Variants in PANK3 observed in about 807,000 individuals in gnomAD.
PANK3 encodes the protein pantothenate kinase 3, also known as hPanK3.
Under a neutral mutation model 39.4 loss-of-function variants are expected in PANK3, and 20 were observed. The observed-to-expected ratio is 0.51, with a 90% CI of 0.36 to 0.74. The LOEUF is 0.74. Ranked by LOEUF, PANK3 falls within the 30% of genes least tolerant of loss-of-function variation. The probability of loss-of-function intolerance (pLI) is 0.00; values close to 1 mark genes in which losing one functional copy is unlikely to be tolerated. For synonymous variants in PANK3, 140 were observed against 157.3 expected (o/e 0.89, Z 0.82); for missense variants, 265 against 437.0 (o/e 0.61, Z 3.51).
rs1223801210 is a variant in PANK3, at chr5:168,554,115, C to T, written c.*3456G>A. 6.6e-6 allele frequency: 1 copy of T among 152,146 alleles called. No individual in the cohort carries two copies. The highest frequency in any genetic ancestry group is 2.4e-5 in the African/African-American group (1 of 41,446). 9.4% of individuals were successfully genotyped at this position (152,146 alleles called of 1,614,324 possible). Reference sequence around the variant, plus strand: ...AGCCTTTTACCTGGGAATTTATTCTCTCTTTTGTATTTTTGATAGTGATTA... The same window carrying T: ...AGCCTTTTACCTGGGAATTTATTCTTTCTTTTGTATTTTTGATAGTGATTA... On this transcript the variant is annotated 3_prime_UTR_variant, in exon 7 of 7. Transcript: ENST00000239231.
At chr5:168,576,239 T>C (rs1385125405) in intron 1 of PANK3, among the ~76,000 whole-genome samples, 3 of 152,190 alleles carry the variant, frequency 2.0e-5, no homozygotes, top group African/African-American at 7.2e-5. Context: ...AAACTACAAA[T>C]ATATGCTATA....
At chr5:168,575,827 C>T (rs1273841730) in intron 1 of PANK3, among the ~76,000 whole-genome samples, 3 of 151,832 alleles carry the variant, frequency 2.0e-5, no homozygotes, top group African/African-American at 7.3e-5. Context: ...GGGGGAGATA[C>T]TAAACTAAAT....
chr5:168,560,606 C>T (rs191295180), intron 5 of PANK3, among the ~76,000 whole-genome samples: 7 of 152,232 alleles, frequency 4.6e-5, no homozygotes, highest in South Asian at 2.1e-4. Flanking sequence ...ATACCCAGAA[C>T]GATGTCTGGC....
rs1759272992 is a variant in PANK3, at chr5:168,551,636, C to A, written c.*5935G>T. On this transcript the variant is annotated 3_prime_UTR_variant, in exon 7 of 7. Transcript: ENST00000239231. Reference sequence around the variant, plus strand: ...TTAAAAATCAAGGCAAGATGGACTACTCTTTGAAGGCAAGAATACTGCTGG... The same window carrying A: ...TTAAAAATCAAGGCAAGATGGACTAATCTTTGAAGGCAAGAATACTGCTGG... 6.6e-6 allele frequency: 1 copy of A among 152,282 alleles called. No homozygotes were observed. The highest frequency in any genetic ancestry group is 1.9e-4 in the East Asian group (1 of 5,184). 9.4% of individuals were successfully genotyped at this position (152,282 alleles called of 1,614,324 possible). A position where few individuals can be genotyped will look rare whatever the true frequency, so the allele number is the denominator to read the frequency against.
Position 168,557,263 on chromosome 5 carries a change from G to T in PANK3, c.*308C>A. The T allele has an allele frequency of 1.0e-5, 2 of 195,968 alleles. No homozygotes were observed. The highest frequency in any genetic ancestry group is 2.4e-5 in the African/African-American group (1 of 42,540). 12.1% of individuals were successfully genotyped at this position (195,968 alleles called of 1,614,324 possible). A position where few individuals can be genotyped will look rare whatever the true frequency, so the allele number is the denominator to read the frequency against. ...AAGCTAAACAGTTCCGATACTTTAA[G>T]ATTTGTGTTTGAGCATACAGTACTG... On this transcript the variant is annotated 3_prime_UTR_variant, in exon 7 of 7. Transcript: ENST00000239231.
Position 168,550,338 on chromosome 5 carries a change from G to A in PANK3, c.*7233C>T, listed in dbSNP as rs1416740388. On this transcript the variant is annotated 3_prime_UTR_variant, in exon 7 of 7. Coordinates refer to ENST00000239231, the MANE Select transcript of PANK3 (RefSeq NM_024594.4). ...CGTATTAAATGTATTTTCAACTTAC[G>A]GTATTTTCAATTTACAATGGGTCTA... 6.6e-6 allele frequency: 1 copy of A among 152,044 alleles called. No individual in the cohort carries two copies. The highest frequency in any genetic ancestry group is 1.5e-5 in the Non-Finnish European group (1 of 68,010). The allele number at this position is 152,044 out of a possible 1,614,324, so 9.4% of individuals were successfully genotyped here.
At chr5:168,576,516 A>T (rs1181413840) in intron 1 of PANK3, among the ~76,000 whole-genome samples, 1 of 152,248 alleles carries the variant, frequency 6.6e-6, no homozygotes, top group Non-Finnish European at 1.5e-5. Context: ...ATAATTTCAA[A>T]TGCTAATCTT....
In PANK3 at chr5:168,551,506, GAA is replaced by G. The variant is rs1187781544; in HGVS notation, c.*6063_*6064del. On this transcript the variant is annotated 3_prime_UTR_variant, in exon 7 of 7. Transcript: ENST00000239231. ...ACTAAAATGCATAAAGTGCTCAACA[GAA>G]AAAGATACAATATGAAAAAACTTTG... is the stretch of plus-strand genomic sequence containing the variant. 6.6e-6 allele frequency: 1 copy of G among 152,022 alleles called. No homozygotes were observed. The highest frequency in any genetic ancestry group is 1.5e-5 in the Non-Finnish European group (1 of 67,984). 9.4% of individuals were successfully genotyped at this position (152,022 alleles called of 1,614,324 possible).
chr5:168,573,416 CAAAAAAAAAAAAAA>C (rs574960925), intron 1 of PANK3, among the ~76,000 whole-genome samples: 15 of 16,952 alleles, frequency 8.8e-4, no homozygotes, highest in Admixed American at 8.3e-3. Context: ...CTCAGCAAGG[CAAAAAAAAAAAAAA>C]AAAAAAAAAA....
chr5:168,559,752 A>G (rs1257082540), intron 5 of PANK3, among the ~76,000 whole-genome samples: 1 of 152,180 alleles, frequency 6.6e-6, no homozygotes, highest in Non-Finnish European at 1.5e-5. Flanking sequence ...GTTGATAAGT[A>G]GCAAACTTGG....
chr5:168,565,217 T>A (rs1759505295), intron 3 of PANK3, among the ~76,000 whole-genome samples: 1 of 150,992 alleles, frequency 6.6e-6, no homozygotes, highest in Admixed American at 6.6e-5. Context: ...CACAAATTAA[T>A]CTAAAGTATT....
chr5:168,571,082 T>C lies in PANK3; in HGVS notation c.29-2084A>G, dbSNP rs116759084. Among the ~76,000 whole-genome samples, 1,318 of 152,306 alleles carry C rather than the reference T, an allele frequency of 8.7e-3. 19 individuals are homozygous for C. Among genetic ancestry groups the C allele is most frequent in the African/African-American group, 0.03 (1,260 of 41,568 alleles). The stretch of plus-strand genomic sequence containing the variant: ...TGTATATATTCGGAAGATTATACTA[T>C]AGTCAGATCTAAATGGCATTTGAAA... On this transcript the variant is annotated intron_variant, in intron 1 of 6. Coordinates refer to ENST00000239231, the MANE Select transcript of PANK3 (RefSeq NM_024594.4).
Position 168,549,646 on chromosome 5 carries a change from C to G in PANK3, c.*7925G>C, listed in dbSNP as rs891435246. 1.3e-5 allele frequency: 2 copies of G among 152,106 alleles called. No homozygotes were observed. The highest frequency in any genetic ancestry group is 4.8e-5 in the African/African-American group (2 of 41,420). The allele number at this position is 152,106 out of a possible 1,614,324, so 9.4% of individuals were successfully genotyped here. ...AATGCAAAATTAGTGGCAGTTGCAG[C>G]AAAAACGCCGAAATTCTATAAGAAA... On this transcript the variant is annotated 3_prime_UTR_variant, in exon 7 of 7. Transcript: ENST00000239231.
intron 3 of PANK3, 122 bp from the exon 4 acceptor site, chr5:168,564,187 G>A: frequency 1.2e-6 from 1 of 825,716 alleles, no homozygotes; most frequent in Non-Finnish European, 1.7e-6. Context: ...GACTAATGCT[G>A]AGTGCTGAAA....
rs1429730520 is a variant in PANK3 at position 168,555,808 on chromosome 5, TACAA to T, written c.*1759_*1762del. 2 of 152,256 alleles carry T rather than the reference TACAA, an allele frequency of 1.3e-5. No individual in the cohort carries two copies. The highest frequency in any genetic ancestry group is 1.9e-4 in the East Asian group (1 of 5,194). 9.4% of individuals were successfully genotyped at this position (152,256 alleles called of 1,614,324 possible). ...AACTTTCTTGAGATAGTTTATTTTA[TACAA>T]ACAAACTGTATTTCTTATTATTCCT... On this transcript the variant is annotated 3_prime_UTR_variant, in exon 7 of 7. Coordinates refer to ENST00000239231, the MANE Select transcript of PANK3 (RefSeq NM_024594.4).
intron 2 of PANK3, 87 bp from the exon 3 acceptor site, chr5:168,566,353 T>A: frequency 7.1e-7 from 1 of 1,409,822 alleles, no homozygotes; most frequent in Non-Finnish European, 9.5e-7. Flanking sequence ...TTACAAAAAT[T>A]AAAAATGGTC....
At position 168,551,397 on chromosome 5, in the gene PANK3, T is replaced by A. The variant is rs1261200248; in HGVS notation, c.*6174A>T. 1 of 152,208 alleles carries A rather than the reference T, an allele frequency of 6.6e-6. No homozygotes were observed. Among genetic ancestry groups the A allele is most frequent in the Non-Finnish European group, 1.5e-5 (1 of 68,022 alleles). 9.4% of individuals were successfully genotyped at this position (152,208 alleles called of 1,614,324 possible). A position where few individuals can be genotyped will look rare whatever the true frequency, so the allele number is the denominator to read the frequency against. On this transcript the variant is annotated 3_prime_UTR_variant, in exon 7 of 7. Transcript: ENST00000239231. Reference sequence around the variant, plus strand: ...AACAGTTAAGTTAAATTCAAAATAATGTACACTCATTTTCATTATCCTCTA... The same window carrying A: ...AACAGTTAAGTTAAATTCAAAATAAAGTACACTCATTTTCATTATCCTCTA...
chr5:168,579,256 A>G lies in PANK3; in HGVS notation c.28T>C (p.Ser10Pro), dbSNP rs2113045387. MKIKDAKKP[S>P]FPWFGMDIGG... is the part of the protein sequence containing the mutation. ...TGGCGGGCCCCAGCCCCCGTCTTACAGGGTTTCTTGGCATCTTTGATCTTC... is the reference window on the plus strand; with the variant it reads ...TGGCGGGCCCCAGCCCCCGTCTTACGGGGTTTCTTGGCATCTTTGATCTTC... The change falls in exon 1 of 7, where the codon TCT becomes CCT. Residue 10 changes from serine (S) to proline (P), a missense_variant and splice_region_variant. Around this residue, in one of 3 missense-constraint regions of PANK3, gnomAD observed 154 missense variants for 256.8 expected, o/e 0.60. Transcript: ENST00000239231. 2 of 1,498,822 alleles carry G rather than the reference A, an allele frequency of 1.3e-6. No individual in the cohort carries two copies. Among genetic ancestry groups the G allele is most frequent in the South Asian group, 1.3e-5 (1 of 78,046 alleles). 92.8% of individuals were successfully genotyped at this position (1,498,822 alleles called of 1,614,324 possible).
intron 1 of PANK3, among the ~76,000 whole-genome samples, chr5:168,572,300 G>T (rs1361037085): frequency 2.0e-5 from 3 of 152,028 alleles, no homozygotes; most frequent in Admixed American, 6.6e-5. Context: ...TTTTAGTAAA[G>T]AAGGGGTTTC....
Sources: allele counts gnomAD v4.1 joint callset (sites outside exome capture counted in the v4.1 genomes callset), GRCh38; gene constraint gnomAD v4.1.1; regional missense constraint gnomAD v4.1.1; transcripts MANE v1.5; gene names NCBI Gene and HGNC (gene_info 2026-07-23, HGNC 2026-07-21).